Variants in SLC30A8 observed in about 807,000 individuals in gnomAD.
SLC30A8 encodes the protein proton-coupled zinc antiporter SLC30A8.
SLC30A8 carries 27 observed loss-of-function variants against 36.9 expected under a neutral mutation model. The ratio of observed to expected loss-of-function variants is 0.73; its 90% CI spans 0.54 to 1.01. The LOEUF is 1.01. SLC30A8 is among the 50% of genes least tolerant of loss of function. SLC30A8 has a pLI of 0.00. For missense variants in SLC30A8, 439 were observed against 452.0 expected (o/e 0.97, Z 0.26); for synonymous variants, 164 against 172.4 (o/e 0.95, Z 0.38).
intron 1 of SLC30A8, among the ~76,000 whole-genome samples, chr8:117,014,336 T>A (rs1208386867): frequency 6.6e-6 from 1 of 152,148 alleles, no homozygotes; most frequent in African/African-American, 2.4e-5. Flanking sequence ...GTGTAACAAA[T>A]GAAGTCTTTA....
In SLC30A8 at chr8:117,035,614, C is replaced by T. The variant is rs1295891492; in HGVS notation, c.-265-3605C>T. On this transcript the variant is annotated intron_variant, in intron 1 of 10. Transcript: ENST00000427715. ...TTCTCACAGTTCCACGAAGCAGTGC[C>T]CCAGTGAGGACTCTGTGTGGGGGCT... Among the ~76,000 whole-genome samples the T allele has an allele frequency of 2.0e-5, 3 of 152,212 alleles. No individual in the cohort carries two copies. In the East Asian group the frequency reaches 5.8e-4, roughly 29 times the overall value.
intron 1 of SLC30A8, among the ~76,000 whole-genome samples, chr8:116,992,018 C>T (rs1033619600): frequency 7.2e-5 from 11 of 152,146 alleles, no homozygotes; most frequent in Middle Eastern, 3.4e-3. Flanking sequence ...ATGGTTCTGG[C>T]GAATACTTCT....
chr8:117,119,043 C>G (rs1229299490), intron 2 of SLC30A8, among the ~76,000 whole-genome samples: 1 of 151,700 alleles, frequency 6.6e-6, no homozygotes, highest in African/African-American at 2.4e-5. Context: ...TTGTTTGGCT[C>G]CCATGGTAAG....
chr8:117,032,215 A>C (rs1291782362), intron 1 of SLC30A8, among the ~76,000 whole-genome samples: 1 of 151,672 alleles, frequency 6.6e-6, no homozygotes, highest in Non-Finnish European at 1.5e-5. Context: ...CTGAACCTTC[A>C]TAATGCTTTA....
rs890898918 is a variant in SLC30A8 at position 117,070,165 on chromosome 8, CAA to C, written c.-226+30910_-226+30911del. 1.3e-5 allele frequency among the ~76,000 whole-genome samples: 2 copies of C among 152,108 alleles called. 1 individual carries two copies. The highest frequency in any genetic ancestry group is 4.8e-5 in the African/African-American group (2 of 41,414). ...ATATCTGTTAATGATTGCTGAGAAA[CAA>C]AACAGCACCAAAATCTAATGAATCA... On this transcript the variant is annotated intron_variant, in intron 2 of 10. Coordinates refer to the SLC30A8 transcript ENST00000427715.
chr8:117,012,334 A>G (rs1304372768), intron 1 of SLC30A8, among the ~76,000 whole-genome samples: 1 of 152,062 alleles, frequency 6.6e-6, no homozygotes, highest in Non-Finnish European at 1.5e-5. Flanking sequence ...TAATTACAGT[A>G]TTTTAGCAGT....
In SLC30A8 at chr8:117,026,732, G is replaced by A. The variant is rs565676245; in HGVS notation, c.-265-12487G>A. On this transcript the variant is annotated intron_variant, in intron 1 of 10. Coordinates refer to the SLC30A8 transcript ENST00000427715. The stretch of plus-strand genomic sequence containing the variant: ...AACAGGGGAGGAATGGTTAAAACAC[G>A]TACATGTATTGTGCACTCTTGCTAT... 9.2e-5 allele frequency among the ~76,000 whole-genome samples: 14 copies of A among 152,236 alleles called. No homozygotes were observed. The East Asian group carries it at 2.5e-3, about 27-fold the overall frequency.
chr8:116,997,378 A>G (rs1815857530), intron 1 of SLC30A8, among the ~76,000 whole-genome samples: 1 of 152,164 alleles, frequency 6.6e-6, no homozygotes, highest in Non-Finnish European at 1.5e-5. Context: ...TATTTATGAC[A>G]TTTTCCTGTC....
chr8:117,008,441 A>C (rs1259194968), intron 1 of SLC30A8, among the ~76,000 whole-genome samples: 1 of 152,232 alleles, frequency 6.6e-6, no homozygotes, highest in East Asian at 1.9e-4. Flanking sequence ...AGACCTACTC[A>C]GGTTTAAGTG....
At chr8:117,049,798 C>T (rs533947368) in intron 2 of SLC30A8, among the ~76,000 whole-genome samples, 2 of 152,230 alleles carry the variant, frequency 1.3e-5, no homozygotes, top group Non-Finnish European at 2.9e-5. Context: ...TAGCTGCTCA[C>T]GAGAATGGCC....
chr8:117,145,361 G>A (rs1175100958), intron 1 of SLC30A8, among the ~76,000 whole-genome samples: 1 of 151,144 alleles, frequency 6.6e-6, no homozygotes, highest in African/African-American at 2.4e-5. Flanking sequence ...TCTACTTTGT[G>A]ATTTTTTTTT....
chr8:116,992,174 G>GT (rs2130665904), intron 1 of SLC30A8, among the ~76,000 whole-genome samples: 1 of 152,138 alleles, frequency 6.6e-6, no homozygotes, highest in Admixed American at 6.5e-5. Flanking sequence ...AAATAACAAG[G>GT]TGACAAAGCC....
intron 1 of SLC30A8, among the ~76,000 whole-genome samples, chr8:116,951,759 T>C (rs1364978560): frequency 6.6e-6 from 1 of 152,144 alleles, no homozygotes; most frequent in Non-Finnish European, 1.5e-5. Flanking sequence ...ATTCAACATT[T>C]TTGTTGTGTC....
At chr8:116,997,897 C>T (rs1815874366) in intron 1 of SLC30A8, among the ~76,000 whole-genome samples, 1 of 152,070 alleles carries the variant, frequency 6.6e-6, no homozygotes. Context: ...GGTTCCCAGT[C>T]TAAAGATGAG....
At chr8:117,035,245 G>A (rs1362133704) in intron 1 of SLC30A8, among the ~76,000 whole-genome samples, 2 of 152,168 alleles carry the variant, frequency 1.3e-5, no homozygotes, top group East Asian at 3.8e-4. Flanking sequence ...CTACCTAGGA[G>A]CCTGCAAAAT....
chr8:116,962,656 T>C (rs2130596850), intron 1 of SLC30A8, among the ~76,000 whole-genome samples: 1 of 152,116 alleles, frequency 6.6e-6, no homozygotes, highest in Non-Finnish European at 1.5e-5. Flanking sequence ...GTCCCAAAAA[T>C]TGCATGTTGC....
chr8:116,973,824 G>C (rs369144587), intron 1 of SLC30A8, among the ~76,000 whole-genome samples: 4 of 152,108 alleles, frequency 2.6e-5, no homozygotes, highest in Admixed American at 6.6e-5. Flanking sequence ...CAGCATGGTA[G>C]TGGTACCAAA....
At chr8:117,139,688 A>T (rs1821552862) in intron 1 of SLC30A8, among the ~76,000 whole-genome samples, 1 of 152,076 alleles carries the variant, frequency 6.6e-6, no homozygotes, top group South Asian at 2.1e-4. Context: ...AGGCAGAACA[A>T]TCACTTAACA....
intron 1 of SLC30A8, among the ~76,000 whole-genome samples, chr8:117,036,937 A>C (rs1427671602): frequency 1.3e-5 from 2 of 152,168 alleles, no homozygotes; most frequent in African/African-American, 4.8e-5. Context: ...GCAGCTGTCC[A>C]TTGGAACCAT....
Sources: gnomAD v4.1 joint callset for allele counts (sites outside exome capture counted in the v4.1 genomes callset) on GRCh38, gnomAD v4.1.1 for gene constraint, MANE v1.5 for transcripts, NCBI Gene and HGNC (gene_info 2026-07-23, HGNC 2026-07-21) for gene names.